Variants in VKORC1L1 observed in about 807,000 individuals in gnomAD.
VKORC1L1 encodes the protein vitamin K epoxide reductase complex subunit 1L1, also known as vitamin K epoxide reductase complex subunit 1-like protein 1.
VKORC1L1 carries 2 observed loss-of-function variants against 18.9 expected under a neutral mutation model. That is an observed-to-expected ratio of 0.11 (90% CI 0.04 to 0.33). VKORC1L1 has a LOEUF of 0.33. Ranked by LOEUF, VKORC1L1 falls within the 10% of genes least tolerant of loss-of-function variation. The probability of loss-of-function intolerance (pLI) is 1.00; values close to 1 mark genes in which losing one functional copy is unlikely to be tolerated. For synonymous variants in VKORC1L1, 96 were observed against 100.0 expected, an observed-to-expected ratio of 0.96 and a Z score of 0.24; for missense variants, 123 against 224.1, an observed-to-expected ratio of 0.55 and a Z score of 2.88.
intron 1 of VKORC1L1, among the ~76,000 whole-genome samples, chr7:65,928,158 G>A (rs1789796773): frequency 1.3e-5 from 2 of 151,376 alleles, no homozygotes; most frequent in Non-Finnish European, 2.9e-5. Flanking sequence ...TTCACTATTT[G>A]GTTTATAGTT....
At chr7:65,868,389 T>C (rs1246454329), upstream of VKORC1L1, among the ~76,000 whole-genome samples, 3 of 152,130 alleles carry the variant, frequency 2.0e-5, no homozygotes, top group African/African-American at 7.2e-5. Context: ...TGTAAATTAG[T>C]ACAACCATTA....
intron 1 of VKORC1L1, among the ~76,000 whole-genome samples, chr7:65,941,953 G>A (rs1028204516): frequency 2.6e-5 from 4 of 152,024 alleles, no homozygotes; most frequent in South Asian, 2.1e-4. Flanking sequence ...GAGCCACTGC[G>A]CCTAGCCGTA....
intron 1 of VKORC1L1, among the ~76,000 whole-genome samples, chr7:65,901,975 T>C (rs1789325765): frequency 6.6e-6 from 1 of 152,190 alleles, no homozygotes. Flanking sequence ...AAGGCTACTC[T>C]GGATCTACTC....
intron 1 of VKORC1L1, among the ~76,000 whole-genome samples, chr7:65,933,960 CTTATG>C (rs958429525): frequency 2.0e-5 from 3 of 152,114 alleles, no homozygotes; most frequent in African/African-American, 2.4e-5. Flanking sequence ...CCTCCCCCGC[CTTATG>C]TTATAATTGT....
chr7:65,892,306 T>G (rs1224474985), intron 1 of VKORC1L1, among the ~76,000 whole-genome samples: 1 of 152,222 alleles, frequency 6.6e-6, no homozygotes, highest in African/African-American at 2.4e-5. Flanking sequence ...GTATACCCAG[T>G]AGCAGGATTG....
chr7:65,882,014 A>T (rs1022718305), intron 1 of VKORC1L1, among the ~76,000 whole-genome samples: 2 of 152,044 alleles, frequency 1.3e-5, no homozygotes, highest in African/African-American at 4.8e-5. Context: ...TGGGAGGCAG[A>T]GGTTGCAGTG....
At position 65,936,622 on chromosome 7, in the gene VKORC1L1, G is replaced by A. The variant is rs80054594; in HGVS notation, c.195-12049G>A. ...TCATAGTTTATTTCTGAGAGACTTT[G>A]CTGTGCCTTTGGGGTCTATTCCATG... On this transcript the variant is annotated intron_variant, in intron 1 of 2. Coordinates refer to ENST00000360768, the MANE Select transcript of VKORC1L1 (RefSeq NM_173517.6). 5.8e-3 allele frequency among the ~76,000 whole-genome samples: 878 copies of A among 152,308 alleles called. 13 individuals are homozygous for A. The highest frequency in any genetic ancestry group is 0.02 in the African/African-American group (825 of 41,558).
chr7:65,898,037 G>T (rs1789244668), intron 1 of VKORC1L1, among the ~76,000 whole-genome samples: 1 of 142,556 alleles, frequency 7.0e-6, no homozygotes, highest in South Asian at 2.3e-4. Flanking sequence ...TAGGGAACTG[G>T]TAAAATAATT....
At chr7:65,924,033 C>T (rs953214816) in intron 1 of VKORC1L1, among the ~76,000 whole-genome samples, 6 of 152,152 alleles carry the variant, frequency 3.9e-5, no homozygotes, top group African/African-American at 1.2e-4. Flanking sequence ...ACAAAGTCTT[C>T]CCCTTCCAGT....
intron 1 of VKORC1L1, among the ~76,000 whole-genome samples, chr7:65,875,480 C>T (rs1317601754): frequency 4.6e-5 from 7 of 152,042 alleles, no homozygotes; most frequent in East Asian, 1.9e-4. Flanking sequence ...TGCAGTGGTG[C>T]GATCTCGACT....
intron 1 of VKORC1L1, among the ~76,000 whole-genome samples, chr7:65,913,439 A>G (rs1162255680): frequency 1.3e-5 from 2 of 152,022 alleles, no homozygotes; most frequent in East Asian, 3.9e-4. Flanking sequence ...ATTAGAAGGG[A>G]AAAAAGAGGC....
intron 1 of VKORC1L1, among the ~76,000 whole-genome samples, chr7:65,927,524 C>T (rs1291109305): frequency 6.6e-6 from 1 of 152,082 alleles, no homozygotes; most frequent in African/African-American, 2.4e-5. Flanking sequence ...AGGAGAACAG[C>T]GAAAAGTGAG....
chr7:65,891,707 G>C (rs1353512359), intron 1 of VKORC1L1, among the ~76,000 whole-genome samples: 1 of 151,836 alleles, frequency 6.6e-6, no homozygotes, highest in Non-Finnish European at 1.5e-5. Flanking sequence ...CATATTTATA[G>C]GGTAGATGTG....
chr7:65,900,560 T>C (rs1789298141), intron 1 of VKORC1L1, among the ~76,000 whole-genome samples: 1 of 152,102 alleles, frequency 6.6e-6, no homozygotes, highest in Admixed American at 6.5e-5. Context: ...CCCAGCACTT[T>C]GGGAGGCTGA....
the VKORC1L1 span, among the ~76,000 whole-genome samples, chr7:65,865,918 G>A: frequency 2.0e-3 from 299 of 151,732 alleles, 3 homozygotes; most frequent in South Asian, 1.9e-3. Context: ...TCAAGAGATC[G>A]AGACCATCCT....
intron 1 of VKORC1L1, among the ~76,000 whole-genome samples, chr7:65,940,242 C>CAACA (rs1790012869): frequency 6.6e-6 from 1 of 152,046 alleles, no homozygotes; most frequent in Non-Finnish European, 1.5e-5. Flanking sequence ...CCAGGCTGGT[C>CAACA]TGGAATTCCT....
intron 1 of VKORC1L1, among the ~76,000 whole-genome samples, chr7:65,895,040 T>C (rs955368774): frequency 6.6e-6 from 1 of 152,228 alleles, no homozygotes; most frequent in Non-Finnish European, 1.5e-5. Flanking sequence ...AAGATGTCAG[T>C]ATCTGCTGTA....
chr7:65,935,413 G>A (rs887281646), intron 1 of VKORC1L1, among the ~76,000 whole-genome samples: 2 of 151,932 alleles, frequency 1.3e-5, no homozygotes, highest in Non-Finnish European at 1.5e-5. Context: ...AAGTTCAAGC[G>A]ATTCTCCTGC....
intron 1 of VKORC1L1, among the ~76,000 whole-genome samples, chr7:65,918,100 A>G (rs571230191): frequency 1.2e-4 from 19 of 152,224 alleles, no homozygotes; most frequent in Non-Finnish European, 2.6e-4. Context: ...AGGTTTCATC[A>G]TGCCTCTTGC....
Sources: allele counts gnomAD v4.1 joint callset (sites outside exome capture counted in the v4.1 genomes callset), GRCh38; gene constraint gnomAD v4.1.1; transcripts MANE v1.5; gene names NCBI Gene and HGNC (gene_info 2026-07-23, HGNC 2026-07-21).